The following GABARAPL2 variants were observed in gnomAD, a reference collection of about 807,000 sequenced individuals.
GABARAPL2 encodes GABA type A receptor associated protein like 2.
GABARAPL2 carries 11 observed loss-of-function variants against 16.9 expected under a neutral mutation model. The ratio of observed to expected loss-of-function variants is 0.65; its 90% CI spans 0.41 to 1.08. The LOEUF is 1.08. Ranked by LOEUF, GABARAPL2 falls within the 50% of genes least tolerant of loss-of-function variation. The probability of loss-of-function intolerance (pLI) is 0.00; values close to 1 mark genes in which losing one functional copy is unlikely to be tolerated. For synonymous variants in GABARAPL2, 57 were observed against 50.7 expected, an observed-to-expected ratio of 1.12 and a Z score of -0.53; for missense variants, 134 against 142.5, an observed-to-expected ratio of 0.94 and a Z score of 0.30.
Position 75,568,266 on chromosome 16 carries a change from C to G in GABARAPL2, c.263+57C>G, listed in dbSNP as rs535218020. 4 of 1,294,198 alleles carry G rather than the reference C, an allele frequency of 3.1e-6. No homozygotes were observed. In the South Asian group the frequency reaches 4.1e-5, roughly 13 times the overall value. 80.2% of individuals were successfully genotyped at this position (1,294,198 alleles called of 1,614,324 possible). A position where few individuals can be genotyped will look rare whatever the true frequency, so the allele number is the denominator to read the frequency against. On this transcript the variant is annotated intron_variant, in intron 3 of 3. Transcript: ENST00000037243. ...TATTAGACATCTGGTTGGCTGCTTA[C>G]GGAACTCCAAAACTTTGGAAGTCTG...
Position 75,566,843 on chromosome 16 carries a change from C to T in GABARAPL2, c.35-9C>T. On this transcript the variant is annotated splice_polypyrimidine_tract_variant and intron_variant, in intron 1 of 3. Coordinates refer to ENST00000037243, the MANE Select transcript of GABARAPL2 (RefSeq NM_007285.7). ...GCGCGGCCGTCAGCCCCGTTTGTTT[C>T]TCCCACAGAACACAGATGCGTGGAG... The T allele has an allele frequency of 1.2e-6, 2 of 1,612,738 alleles. No homozygotes were observed. Among genetic ancestry groups the T allele is most frequent in the South Asian group, 1.1e-5 (1 of 91,076 alleles).
At chr16:75,567,942 C>T (rs2080893643) in intron 2 of GABARAPL2, 95 bp from the exon 3 acceptor site, 1 of 877,424 alleles carries the variant, frequency 1.1e-6, no homozygotes, top group Admixed American at 2.2e-5. Context: ...CCCCACCCAC[C>T]TCCTTGCCCA....
intron 3 of GABARAPL2, among the ~76,000 whole-genome samples, chr16:75,573,657 G>A (rs1439989775): frequency 6.6e-6 from 1 of 152,224 alleles, no homozygotes; most frequent in Non-Finnish European, 1.5e-5. Context: ...GGCAGCAGTC[G>A]CCTTACCTGG....
In GABARAPL2 at chr16:75,568,017, A is replaced by T. The variant is rs779014166; in HGVS notation, c.91-20A>T. The T allele has an allele frequency of 1.9e-6, 3 of 1,586,284 alleles. No homozygotes were observed. Among genetic ancestry groups the T allele is most frequent in the Non-Finnish European group, 2.6e-6 (3 of 1,158,354 alleles). On this transcript the variant is annotated intron_variant, in intron 2 of 3. Transcript: ENST00000037243. ...CCTCGCTTTAGGAAACACAGTCCTG[A>T]CCTCTCTTTACTTTCCCAGGTGATT...
intron 2 of GABARAPL2, 24 bp from the exon 3 acceptor site, chr16:75,568,013 C>T (rs1224082081): frequency 1.3e-6 from 2 of 1,583,314 alleles, no homozygotes; most frequent in Admixed American, 1.7e-5. Flanking sequence ...GAAACACAGT[C>T]CTGACCTCTC....
At chr16:75,573,590 C>G (rs1005685441) in intron 3 of GABARAPL2, among the ~76,000 whole-genome samples, 5 of 152,198 alleles carry the variant, frequency 3.3e-5, no homozygotes, top group Non-Finnish European at 7.3e-5. Flanking sequence ...TGTCAAATTA[C>G]AAGATGGGAA....
chr16:75,566,967 A>ATCACG, intron 2 of GABARAPL2, 60 bp downstream of exon 2: 3 of 1,321,272 alleles, frequency 2.3e-6, no homozygotes, highest in Non-Finnish European at 3.3e-6. Flanking sequence ...GACCCGTGAT[A>ATCACG]GGCCCCAGGC....
Position 75,568,090 on chromosome 16 carries a change from G to A in GABARAPL2, c.144G>A (p.Lys48=). 1.7e-5 allele frequency: 27 copies of A among 1,610,806 alleles called. No homozygotes were observed. Among genetic ancestry groups the A allele is most frequent in the Non-Finnish European group, 2.3e-5 (27 of 1,177,124 alleles). Residue 48 remains lysine, a synonymous_variant, in exon 3 of 4, where the codon AAG becomes AAA. Coordinates refer to ENST00000037243, the MANE Select transcript of GABARAPL2 (RefSeq NM_007285.7). ...GSQIVDIDKR[K]YLVPSDITVA... is the part of the protein sequence containing the mutation. Reference sequence around the variant, plus strand: ...AGATTGTTGACATTGACAAACGGAAGTACTTGGTTCCATCTGATATCACTG... The same window carrying A: ...AGATTGTTGACATTGACAAACGGAAATACTTGGTTCCATCTGATATCACTG...
chr16:75,566,385 C>A lies in GABARAPL2; in HGVS notation c.-102C>A. On this transcript the variant is annotated 5_prime_UTR_variant, in exon 1 of 4. Coordinates refer to ENST00000037243, the MANE Select transcript of GABARAPL2 (RefSeq NM_007285.7). ...GAAGTCCCGCCTGCCGTGTAGTCGC[C>A]GCCGTCGCTGCCGCTGCCGCTGCCG... is the stretch of plus-strand genomic sequence containing the variant. The A allele has an allele frequency of 2.3e-6, 2 of 862,398 alleles. No homozygotes were observed. The highest frequency in any genetic ancestry group is 3.7e-6 in the Non-Finnish European group (2 of 534,174). 53.4% of individuals were successfully genotyped at this position (862,398 alleles called of 1,614,324 possible).
chr16:75,572,298 C>T (rs1454739519), intron 3 of GABARAPL2: 5 of 152,296 alleles, frequency 3.3e-5, no homozygotes, highest in African/African-American at 1.2e-4. Flanking sequence ...CCTTCCACCT[C>T]CCACCACCCA....
chr16:75,566,778 G>T, intron 1 of GABARAPL2, 74 bp from the exon 2 acceptor site: 2 of 1,360,070 alleles, frequency 1.5e-6, no homozygotes, highest in South Asian at 2.3e-5. Context: ...CAGGGCGCAG[G>T]AGGAGGAGGG....
intron 3 of GABARAPL2, among the ~76,000 whole-genome samples, chr16:75,573,378 G>C (rs1350372307): frequency 6.6e-6 from 1 of 152,206 alleles, no homozygotes; most frequent in Non-Finnish European, 1.5e-5. Context: ...TTTCAAATCA[G>C]TCTTGCTTCA....
chr16:75,574,645 TC>T (rs1034583160), intron 3 of GABARAPL2, among the ~76,000 whole-genome samples: 3 of 152,256 alleles, frequency 2.0e-5, no homozygotes, highest in Admixed American at 6.5e-5. Context: ...TCATTTCACT[TC>T]CTGGCTTGTC....
rs142170255 is a variant in GABARAPL2, at chr16:75,572,917, G to A, written c.264-4362G>A. Among the ~76,000 whole-genome samples, 6 of 152,198 alleles carry A rather than the reference G, an allele frequency of 3.9e-5. No individual in the cohort carries two copies. In the East Asian group the frequency reaches 1.2e-3, roughly 29 times the overall value. On this transcript the variant is annotated intron_variant, in intron 3 of 3. Transcript: ENST00000037243. Reference sequence around the variant, plus strand: ...GTTAGGGACTGGAGGCCATCTTCAGGTGTTCTCTACAGCCACCTCCCAGCA... The same window carrying A: ...GTTAGGGACTGGAGGCCATCTTCAGATGTTCTCTACAGCCACCTCCCAGCA...
At chr16:75,572,321 G>T (rs1294879963) in intron 3 of GABARAPL2, 3 of 152,276 alleles carry the variant, frequency 2.0e-5, no homozygotes, top group Non-Finnish European at 4.4e-5. Flanking sequence ...CTGCCCTGCT[G>T]GAGAAGAGAT....
intron 3 of GABARAPL2, chr16:75,575,881 T>C (rs1428636062): frequency 6.6e-6 from 1 of 152,246 alleles, no homozygotes; most frequent in Non-Finnish European, 1.5e-5. Flanking sequence ...CATTTCAACA[T>C]GTAATCAAAA....
intron 3 of GABARAPL2, among the ~76,000 whole-genome samples, chr16:75,571,947 G>C (rs1162001454): frequency 2.0e-5 from 3 of 152,088 alleles, no homozygotes; most frequent in Non-Finnish European, 4.4e-5. Flanking sequence ...CAAAGTGCTG[G>C]GATTACAGGC....
At chr16:75,566,951 G>T (rs150359361) in intron 2 of GABARAPL2, 44 bp downstream of exon 2, 3 of 1,507,402 alleles carry the variant, frequency 2.0e-6, no homozygotes, top group Non-Finnish European at 2.8e-6. Flanking sequence ...CACCTCTGTC[G>T]TCTGGGACCC....
intron 3 of GABARAPL2, chr16:75,568,457 G>C: frequency 2.9e-6 from 1 of 349,252 alleles, no homozygotes; most frequent in Non-Finnish European, 5.3e-6. Flanking sequence ...AGATCTCCAA[G>C]AATCTTTTAA....
Sources: gnomAD v4.1 joint callset for allele counts (sites outside exome capture counted in the v4.1 genomes callset) on GRCh38, gnomAD v4.1.1 for gene constraint, MANE v1.5 for transcripts, NCBI Gene and HGNC (gene_info 2026-07-23, HGNC 2026-07-21) for gene names.